Variants in IKZF4 observed in about 807,000 individuals in gnomAD.
IKZF4 encodes zinc finger protein Eos.
IKZF4 carries 11 observed loss-of-function variants against 47.7 expected under a neutral mutation model. That is an observed-to-expected ratio of 0.23 (90% CI 0.15 to 0.38). IKZF4 has a LOEUF of 0.38. Ranked by LOEUF, IKZF4 falls within the 10% of genes least tolerant of loss-of-function variation. The pLI, the probability that IKZF4 is intolerant of heterozygous loss-of-function variation, is 1.00. For missense variants in IKZF4, 557 were observed against 784.9 expected (o/e 0.71, Z 3.47); for synonymous variants, 298 against 299.4 (o/e 1.00, Z 0.05).
chr12:56,008,696 C>T (rs1242828721), intron 1 of IKZF4, among the ~76,000 whole-genome samples: 3 of 109,050 alleles, frequency 2.8e-5, no homozygotes, highest in African/African-American at 1.0e-4. Context: ...TTTTTTGAGA[C>T]GGAGTTTCAC....
chr12:56,009,131 C>T (rs1362259606), intron 1 of IKZF4, among the ~76,000 whole-genome samples: 1 of 152,068 alleles, frequency 6.6e-6, no homozygotes, highest in East Asian at 1.9e-4. Flanking sequence ...CAATGGTGGG[C>T]ATGGTATGTT....
chr12:56,033,982 C>G (rs1391668140), intron 7 of IKZF4, among the ~76,000 whole-genome samples: 2 of 152,098 alleles, frequency 1.3e-5, no homozygotes, highest in Admixed American at 1.3e-4. Flanking sequence ...TCACTGCAAC[C>G]TCTGTCTCCC....
intron 2 of IKZF4, 65 bp downstream of exon 2, chr12:56,023,829 T>G (rs2078575128): frequency 1.3e-6 from 2 of 1,572,852 alleles, no homozygotes; most frequent in Non-Finnish European, 1.7e-6. Context: ...GGATGAATTT[T>G]AGGCTTCCTC....
rs996955887 is a variant in IKZF4 at position 56,036,423 on chromosome 12, G to C, written c.*1092G>C. ...GTGGGTTGCTGCCTGATGACAAGGG[G>C]TTGTTTCAGCCCCTCAGTCATGCTG... On this transcript the variant is annotated 3_prime_UTR_variant, in exon 8 of 8. Transcript: ENST00000547167. 1.3e-5 allele frequency: 2 copies of C among 152,234 alleles called. No individual in the cohort carries two copies. The highest frequency in any genetic ancestry group is 4.8e-5 in the African/African-American group (2 of 41,430). 9.4% of individuals were successfully genotyped at this position (152,234 alleles called of 1,614,324 possible).
At chr12:56,027,300 T>C (rs1894187443) in intron 4 of IKZF4, among the ~76,000 whole-genome samples, 1 of 152,174 alleles carries the variant, frequency 6.6e-6, no homozygotes, top group African/African-American at 2.4e-5. Flanking sequence ...GAAAAGGTGA[T>C]ATTTTTCTCA....
At chr12:56,015,556 G>A (rs1181440908) in intron 2 of IKZF4, among the ~76,000 whole-genome samples, 1 of 151,756 alleles carries the variant, frequency 6.6e-6, no homozygotes, top group East Asian at 1.9e-4. Context: ...ACCACACCCA[G>A]CTAATTTTTT....
intron 2 of IKZF4, chr12:56,011,598 A>C (rs1307941609): frequency 6.6e-6 from 1 of 152,178 alleles, no homozygotes; most frequent in Admixed American, 6.5e-5. Context: ...TCCCCTCTGC[A>C]CTGCTCCCCA....
intron 2 of IKZF4, among the ~76,000 whole-genome samples, chr12:56,013,298 C>T (rs962851685): frequency 2.6e-5 from 4 of 152,010 alleles, no homozygotes; most frequent in East Asian, 3.9e-4. Context: ...GGGGTTCAAA[C>T]GATTCTTATG....
chr12:56,029,684 TCA>T (rs1035159868), intron 5 of IKZF4: 2 of 152,242 alleles, frequency 1.3e-5, no homozygotes, highest in Non-Finnish European at 2.9e-5. Context: ...ACAGAGCATT[TCA>T]CTTGTGTTTC....
intron 1 of IKZF4, among the ~76,000 whole-genome samples, chr12:56,008,857 G>A (rs1434934788): frequency 1.3e-5 from 2 of 151,882 alleles, no homozygotes; most frequent in South Asian, 2.1e-4. Flanking sequence ...TGTATTTTTA[G>A]TAGAGATGGG....
rs757694895 is a variant in IKZF4 at position 56,034,782 on chromosome 12, C to T, written c.1209C>T (p.Tyr403=). Residue 403 remains tyrosine, a synonymous_variant, in exon 8 of 8, where the codon TAC becomes TAT. Coordinates refer to ENST00000547167, the MANE Select transcript of IKZF4 (RefSeq NM_022465.4). ...SELTPVISSV[Y]TQMQPLPGRL... ...TCACGCCTGTCATCAGCTCTGTCTACACCCAGATGCAGCCCCTCCCTGGTC... is the reference window on the plus strand; with the variant it reads ...TCACGCCTGTCATCAGCTCTGTCTATACCCAGATGCAGCCCCTCCCTGGTC... 7 of 1,613,954 alleles carry T rather than the reference C, an allele frequency of 4.3e-6. No individual in the cohort carries two copies. The African/African-American group carries it at 8.0e-5, about 18-fold the overall frequency.
Position 56,015,490 on chromosome 12 carries a change from C to T in IKZF4, c.-213-2636C>T, listed in dbSNP as rs183520759. 3.2e-4 allele frequency among the ~76,000 whole-genome samples: 48 copies of T among 151,760 alleles called. No homozygotes were observed. The East Asian group carries it at 8.2e-3, about 26-fold the overall frequency. On this transcript the variant is annotated intron_variant, in intron 2 of 11. Transcript: ENST00000262032. ...CCGCTCACTGCAACCTACACCTCCCCGGTTCAAGCAATTCTGCCTCAGCCT... is the reference window on the plus strand; with the variant it reads ...CCGCTCACTGCAACCTACACCTCCCTGGTTCAAGCAATTCTGCCTCAGCCT...
chr12:56,034,549 G>A (rs1895429383), intron 7 of IKZF4, 22 bp from the exon 8 acceptor site: 1 of 1,577,334 alleles, frequency 6.3e-7, no homozygotes, highest in South Asian at 1.2e-5. Flanking sequence ...ACCCAGCCCT[G>A]CTGAGTTCCT....
chr12:56,034,056 T>C lies in IKZF4; in HGVS notation c.998-515T>C, dbSNP rs576397697. Among the ~76,000 whole-genome samples, 13 of 152,158 alleles carry C rather than the reference T, an allele frequency of 8.5e-5. No homozygotes were observed. In the East Asian group the frequency reaches 1.6e-3, roughly 18 times the overall value. On this transcript the variant is annotated intron_variant, in intron 7 of 7. Transcript: ENST00000547167. ...CTGGGACTACAGACGCCTGCCACCA[T>C]GCCCGGCTAATTTTTTTTGTATTTT...
intron 2 of IKZF4, among the ~76,000 whole-genome samples, chr12:56,012,852 C>G (rs1251536575): frequency 6.6e-6 from 1 of 152,162 alleles, no homozygotes; most frequent in Non-Finnish European, 1.5e-5. Flanking sequence ...CACAGTGGCA[C>G]ATGCACCTGT....
chr12:56,017,272 A>G (rs2136587300), upstream of IKZF4, among the ~76,000 whole-genome samples: 1 of 115,374 alleles, frequency 8.7e-6, no homozygotes, highest in Non-Finnish European at 1.6e-5. Flanking sequence ...TAAGCGTGGT[A>G]GAGTAATTGA....
intron 5 of IKZF4, among the ~76,000 whole-genome samples, chr12:56,031,327 G>A (rs1369847427): frequency 3.3e-5 from 5 of 152,084 alleles, no homozygotes; most frequent in Admixed American, 6.5e-5. Context: ...ATTACATGTC[G>A]TATACATGTA....
chr12:56,034,730 T>G lies in IKZF4; in HGVS notation c.1157T>G (p.Leu386Arg). Residue 386 changes from leucine (L) to arginine (R), a missense_variant, in exon 8 of 8, where the codon CTT becomes CGT. Physicochemically the swap from Leu to Arg is moderately radical, Grantham distance 102. Coordinates refer to ENST00000547167, the MANE Select transcript of IKZF4 (RefSeq NM_022465.4). ...VGAEHLRPLRLPPTNCISELT... is the reference protein window; with the variant it reads ...VGAEHLRPLRRPPTNCISELT... Reference sequence around the variant, plus strand: ...GCAGAGCATCTGCGTCCCCTCCGCCTTCCACCCACCAATTGCATCTCAGAA... The same window carrying G: ...GCAGAGCATCTGCGTCCCCTCCGCCGTCCACCCACCAATTGCATCTCAGAA... 1 of 1,613,986 alleles carries G rather than the reference T, an allele frequency of 6.2e-7. No homozygotes were observed. The highest frequency in any genetic ancestry group is 8.5e-7 in the Non-Finnish European group (1 of 1,179,874).
chr12:56,034,964 A>G lies in IKZF4; in HGVS notation c.1391A>G (p.Glu464Gly), dbSNP rs779022474. ...TCCACAGACACAGAAAGCAACCACG[A>G]AGATCGGGTTGCGGGGGTGGTATCC... ...QDSTDTESNH[E>G]DRVAGVVSLP... is the part of the protein sequence containing the mutation. Residue 464 changes from glutamate to glycine, a missense_variant, in exon 8 of 8, where the codon GAA becomes GGA. Glu to Gly is a moderately conservative substitution (Grantham distance 98). Coordinates refer to ENST00000547167, the MANE Select transcript of IKZF4 (RefSeq NM_022465.4). 2 of 1,566,482 alleles carry G rather than the reference A, an allele frequency of 1.3e-6. No individual in the cohort carries two copies. The highest frequency in any genetic ancestry group is 2.3e-5 in the East Asian group (1 of 44,322).
Sources: gnomAD v4.1 joint callset for allele counts (sites outside exome capture counted in the v4.1 genomes callset) on GRCh38, gnomAD v4.1.1 for gene constraint, MANE v1.5 for transcripts, NCBI Gene and HGNC (gene_info 2026-07-23, HGNC 2026-07-21) for gene names.